MYO3A: variants seen among roughly 807,000 people sequenced by gnomAD.
The protein encoded by MYO3A is myosin IIIA.
A neutral mutation model predicts 192.7 loss-of-function variants in MYO3A; 180 were observed. The observed-to-expected ratio is 0.93, with a 90% confidence interval of 0.83 to 1.06. The LOEUF (loss-of-function observed/expected upper bound fraction) is 1.06. Among genes scored for constraint, MYO3A ranks in the 50% least tolerant of loss-of-function variants. The probability of loss-of-function intolerance (pLI) is 0.00; values close to 1 mark genes in which losing one functional copy is unlikely to be tolerated. For synonymous variants in MYO3A, 628 were observed against 645.3 expected, an observed-to-expected ratio of 0.97 and a Z score of 0.41; for missense variants, 1,896 against 1,905.0, an observed-to-expected ratio of 1.00 and a Z score of 0.09.
chr10:26,067,839 A>T (rs941188481), intron 11 of MYO3A, among the ~76,000 whole-genome samples: 1 of 118,648 alleles, frequency 8.4e-6, no homozygotes, highest in African/African-American at 2.8e-5. Flanking sequence ...ACACCTTTTT[A>T]TTTTTTTTAC....
chr10:26,155,219 C>T (rs929286529), intron 25 of MYO3A, among the ~76,000 whole-genome samples: 2 of 152,192 alleles, frequency 1.3e-5, no homozygotes, highest in African/African-American at 4.8e-5. Flanking sequence ...TTTCATATCA[C>T]CCTGCCTGTA....
intron 4 of MYO3A, among the ~76,000 whole-genome samples, chr10:25,967,548 T>C (rs548554850): frequency 1.3e-5 from 2 of 152,256 alleles, no homozygotes; most frequent in South Asian, 4.1e-4. Context: ...ACTAAGAATA[T>C]CCAGCTCCAA....
intron 19 of MYO3A, among the ~76,000 whole-genome samples, chr10:26,126,643 G>A (rs1336389077): frequency 6.6e-6 from 1 of 152,060 alleles, no homozygotes; most frequent in African/African-American, 2.4e-5. Context: ...AAAATATTCA[G>A]GGATTTTTAT....
intron 20 of MYO3A, among the ~76,000 whole-genome samples, chr10:26,129,833 T>C (rs1839429436): frequency 6.6e-6 from 1 of 152,238 alleles, no homozygotes; most frequent in African/African-American, 2.4e-5. Flanking sequence ...CTTGCTTTAA[T>C]GCTTCACAAT....
chr10:25,993,024 C>T (rs139257224), intron 4 of MYO3A, among the ~76,000 whole-genome samples: 14,517 of 152,088 alleles, frequency 0.095, 1,232 homozygotes, highest in African/African-American at 0.22. Flanking sequence ...TGGCCTCATA[C>T]AATAAGTTAG....
intron 6 of MYO3A, among the ~76,000 whole-genome samples, chr10:25,997,626 G>A (rs1236720410): frequency 2.6e-5 from 4 of 152,138 alleles, no homozygotes; most frequent in African/African-American, 9.7e-5. Flanking sequence ...AGATGTGAGG[G>A]GAAATTTTCA....
At chr10:26,146,537 T>A (rs939141213) in intron 22 of MYO3A, among the ~76,000 whole-genome samples, 9 of 152,162 alleles carry the variant, frequency 5.9e-5, no homozygotes, top group Admixed American at 2.6e-4. Flanking sequence ...CTTCTCAAGG[T>A]GTCCCCACAT....
At chr10:26,064,328 T>C (rs1834682424) in intron 10 of MYO3A, among the ~76,000 whole-genome samples, 1 of 152,170 alleles carries the variant, frequency 6.6e-6, no homozygotes, top group African/African-American at 2.4e-5. Context: ...GGTAGAAGCA[T>C]GCTTAATGTG....
chr10:26,062,530 A>AAAAAAAAAAAAAAAAAAGAAAAAAACG (rs1554816581), intron 10 of MYO3A, among the ~76,000 whole-genome samples: 3 of 125,946 alleles, frequency 2.4e-5, no homozygotes, highest in Non-Finnish European at 5.1e-5. Context: ...AAAAAAAAAA[A>AAAAAAAAAAAAAAAAAAGAAAAAAACG]AAATTATGGA....
At chr10:26,011,414 A>G (rs571702888) in intron 6 of MYO3A, among the ~76,000 whole-genome samples, 6 of 152,220 alleles carry the variant, frequency 3.9e-5, no homozygotes, top group Non-Finnish European at 7.3e-5. Context: ...AGCCTGGGCG[A>G]TGGAAGTGAG....
At chr10:25,983,785 G>A (rs1839482481) in intron 4 of MYO3A, among the ~76,000 whole-genome samples, 1 of 152,182 alleles carries the variant, frequency 6.6e-6, no homozygotes, top group African/African-American at 2.4e-5. Context: ...CATCACAAAA[G>A]ATCATTGCCT....
At chr10:26,079,196 T>C (rs1395015830) in intron 14 of MYO3A, among the ~76,000 whole-genome samples, 6 of 152,160 alleles carry the variant, frequency 3.9e-5, no homozygotes, top group Non-Finnish European at 8.8e-5. Context: ...GGATCTCCAG[T>C]GTTAGGTGCA....
chr10:26,110,271 G>T (rs1838081585), intron 17 of MYO3A, among the ~76,000 whole-genome samples: 1 of 152,162 alleles, frequency 6.6e-6, no homozygotes, highest in Admixed American at 6.6e-5. Flanking sequence ...TGGGAACTCA[G>T]TGGTTCTGTG....
chr10:26,152,971 A>G (rs995776608), intron 23 of MYO3A, among the ~76,000 whole-genome samples: 4 of 152,240 alleles, frequency 2.6e-5, no homozygotes, highest in African/African-American at 9.6e-5. Context: ...TGCCAAAAAC[A>G]TTCAGCCTCT....
At chr10:26,157,018 A>T (rs1841176327) in intron 25 of MYO3A, among the ~76,000 whole-genome samples, 1 of 152,252 alleles carries the variant, frequency 6.6e-6, no homozygotes, top group African/African-American at 2.4e-5. Context: ...AAACTACATC[A>T]AAAATAATTT....
intron 10 of MYO3A, among the ~76,000 whole-genome samples, chr10:26,034,878 T>G (rs1179661101): frequency 6.7e-6 from 1 of 149,948 alleles, no homozygotes; most frequent in Admixed American, 6.7e-5. Flanking sequence ...ATTTAATATA[T>G]GTGGACATTT....
chr10:26,188,092 G>A (rs1254457666), intron 31 of MYO3A, among the ~76,000 whole-genome samples: 2 of 152,132 alleles, frequency 1.3e-5, no homozygotes, highest in Admixed American at 6.6e-5. Context: ...GGTTGAACTA[G>A]TTTACAGTCC....
rs774660855 is a variant in MYO3A, at chr10:26,203,091, A to G, written c.4714A>G (p.Ile1572Val). 6.2e-6 allele frequency: 10 copies of G among 1,613,614 alleles called. No individual in the cohort carries two copies. In the Admixed American group the frequency reaches 1.2e-4, roughly 19 times the overall value. The change falls in exon 34 of 35, where the codon ATT becomes GTT. Residue 1572 changes from isoleucine (I) to valine (V), a missense_variant. By Grantham distance (29) the Ile-to-Val change is conservative (BLOSUM62 3). Transcript: ENST00000642920. ...ACAGCAAGAACTCCAGAATCAATGT[A>G]TTAAGGCTAATGAAAGGTAAAAAGC... Reference protein sequence around the residue: ...RPQQELQNQCIKANERCWAAE... With the variant: ...RPQQELQNQCVKANERCWAAE...
intron 20 of MYO3A, among the ~76,000 whole-genome samples, chr10:26,135,880 C>CGCTT (rs1355563646): frequency 6.7e-6 from 1 of 149,850 alleles, no homozygotes; most frequent in Non-Finnish European, 1.5e-5. Context: ...GCAGAAGAAT[C>CGCTT]GCTTGAACCC....
Sources: gnomAD v4.1 joint callset for allele counts (sites outside exome capture counted in the v4.1 genomes callset) on GRCh38, gnomAD v4.1.1 for gene constraint, MANE v1.5 for transcripts, NCBI Gene and HGNC (gene_info 2026-07-23, HGNC 2026-07-21) for gene names.